Variants in FAM174A observed in about 807,000 individuals in gnomAD.
FAM174A encodes the protein membrane protein FAM174A.
Under a neutral mutation model 14.3 loss-of-function variants are expected in FAM174A, and 14 were observed. The ratio of observed to expected loss-of-function variants is 0.98; its 90% confidence interval spans 0.65 to 1.53. The LOEUF is 1.53. FAM174A is among the 40% of genes most tolerant of loss of function. The pLI is 0.00. For missense variants in FAM174A, 241 were observed against 249.6 expected (o/e 0.97, Z 0.23); for synonymous variants, 108 against 111.4 (o/e 0.97, Z 0.19).
chr5:100,536,730 ATTG>A (rs1179527781), intron 1 of FAM174A, among the ~76,000 whole-genome samples: 1 of 152,310 alleles, frequency 6.6e-6, no homozygotes, highest in Admixed American at 6.5e-5. Context: ...ATGTTTGTTT[ATTG>A]TTTTCAAAAT....
At chr5:100,552,590 C>G (rs1036703071) in intron 1 of FAM174A, among the ~76,000 whole-genome samples, 24 of 152,104 alleles carry the variant, frequency 1.6e-4, no homozygotes, top group Non-Finnish European at 2.5e-4. Flanking sequence ...TTCTCCCTTT[C>G]ATAGAGCAGT....
intron 2 of FAM174A, among the ~76,000 whole-genome samples, chr5:100,583,997 AT>A (rs1414975304): frequency 6.6e-6 from 1 of 152,214 alleles, no homozygotes; most frequent in Non-Finnish European, 1.5e-5. Flanking sequence ...TCAGTGTTGA[AT>A]TCCTGGGGTT....
At position 100,586,550 on chromosome 5, in the gene FAM174A, T is replaced by G. The variant is rs1424499843; in HGVS notation, c.*366T>G. ...AATTATTTTTGCTGATGTCATATGTTAAAGAGCTATAAATTCCAACAACCA... is the reference window on the plus strand; with the variant it reads ...AATTATTTTTGCTGATGTCATATGTGAAAGAGCTATAAATTCCAACAACCA... On this transcript the variant is annotated 3_prime_UTR_variant, in exon 3 of 3. Transcript: ENST00000312637. The G allele has an allele frequency of 6.4e-6, 1 of 155,784 alleles. No homozygotes were observed. Among genetic ancestry groups the G allele is most frequent in the African/African-American group, 2.4e-5 (1 of 41,642 alleles). 9.7% of individuals were successfully genotyped at this position (155,784 alleles called of 1,614,324 possible). A position where few individuals can be genotyped will look rare whatever the true frequency, so the allele number is the denominator to read the frequency against.
intron 1 of FAM174A, among the ~76,000 whole-genome samples, chr5:100,536,862 A>G (rs1166705334): frequency 6.6e-6 from 1 of 152,258 alleles, no homozygotes; most frequent in African/African-American, 2.4e-5. Context: ...GAAAACCAAC[A>G]TCACTTGGCT....
intron 1 of FAM174A, among the ~76,000 whole-genome samples, chr5:100,555,453 A>G (rs1746355730): frequency 6.6e-6 from 1 of 152,084 alleles, no homozygotes; most frequent in African/African-American, 2.4e-5. Flanking sequence ...CAGTAACGGG[A>G]TGGCTGGGTC....
At chr5:100,561,560 C>G (rs1364425362) in intron 1 of FAM174A, among the ~76,000 whole-genome samples, 1 of 151,862 alleles carries the variant, frequency 6.6e-6, no homozygotes, top group South Asian at 2.1e-4. Context: ...AAACATGGGA[C>G]TTTAAAAAAT....
intron 1 of FAM174A, among the ~76,000 whole-genome samples, chr5:100,559,208 G>T (rs1049861290): frequency 6.6e-6 from 1 of 152,074 alleles, no homozygotes; most frequent in Non-Finnish European, 1.5e-5. Flanking sequence ...GCTTAGTTTG[G>T]CTGGATATGA....
chr5:100,556,655 C>A (rs998126559), intron 1 of FAM174A, among the ~76,000 whole-genome samples: 2 of 152,146 alleles, frequency 1.3e-5, no homozygotes, highest in Non-Finnish European at 2.9e-5. Context: ...AGAGGTCCTT[C>A]ACGTCCCTTG....
At chr5:100,561,785 G>C (rs539399077) in intron 1 of FAM174A, among the ~76,000 whole-genome samples, 1 of 151,914 alleles carries the variant, frequency 6.6e-6, no homozygotes, top group South Asian at 2.1e-4. Context: ...TGAATTTAAG[G>C]CTTAAAAGTT....
rs1448441353 is a variant in FAM174A, at chr5:100,579,726, A to G, written c.570-6455A>G. Among the ~76,000 whole-genome samples the G allele has an allele frequency of 2.6e-5, 4 of 152,150 alleles. No individual in the cohort carries two copies. The East Asian group carries it at 7.7e-4, about 29-fold the overall frequency. On this transcript the variant is annotated intron_variant, in intron 2 of 2. Transcript: ENST00000312637. ...CAGGCGTGAGCCACTGTGCCTGGCC[A>G]TGATATTTTTAAATTATACAAGAAT...
intron 2 of FAM174A, among the ~76,000 whole-genome samples, chr5:100,566,426 G>T (rs896926373): frequency 6.6e-5 from 10 of 151,316 alleles, no homozygotes; most frequent in Non-Finnish European, 4.4e-5. Context: ...GAAGATGTTA[G>T]TCAAGGGATC....
At chr5:100,569,924 C>T (rs940383395) in intron 2 of FAM174A, among the ~76,000 whole-genome samples, 1 of 151,610 alleles carries the variant, frequency 6.6e-6, no homozygotes, top group Admixed American at 6.6e-5. Context: ...TTGACTAAAT[C>T]GGGAATAATG....
At chr5:100,539,086 A>T (rs55825520) in intron 1 of FAM174A, among the ~76,000 whole-genome samples, 29,301 of 151,780 alleles carry the variant, frequency 0.19, 3,329 homozygotes, top group Admixed American at 0.32. Context: ...ACTTTTTTTA[A>T]AAAAAATCTC....
intron 1 of FAM174A, among the ~76,000 whole-genome samples, chr5:100,538,194 T>A (rs1745977194): frequency 6.6e-6 from 1 of 152,174 alleles, no homozygotes; most frequent in Admixed American, 6.5e-5. Context: ...GCTTCCAGAT[T>A]ATGGTTTTCT....
At chr5:100,551,015 A>G (rs544849806) in intron 1 of FAM174A, among the ~76,000 whole-genome samples, 1 of 152,196 alleles carries the variant, frequency 6.6e-6, no homozygotes, top group Non-Finnish European at 1.5e-5. Context: ...GTTGAGTAAT[A>G]GGAAACCATT....
chr5:100,559,840 G>A lies in FAM174A; in HGVS notation c.435-2214G>A, dbSNP rs191882359. ...TTCTTTGCATTGGTTATTCTAGTTAGCCATTTGTCTAATTTTTTTTCAAGG... is the reference window on the plus strand; with the variant it reads ...TTCTTTGCATTGGTTATTCTAGTTAACCATTTGTCTAATTTTTTTTCAAGG... On this transcript the variant is annotated intron_variant, in intron 1 of 2. Coordinates refer to ENST00000312637, the MANE Select transcript of FAM174A (RefSeq NM_198507.3). 5.1e-3 allele frequency among the ~76,000 whole-genome samples: 774 copies of A among 151,932 alleles called. 9 individuals are homozygous for A. Among genetic ancestry groups the A allele is most frequent in the African/African-American group, 0.017 (718 of 41,468 alleles).
intron 2 of FAM174A, chr5:100,581,296 G>C: frequency 1.3e-6 from 1 of 791,278 alleles, no homozygotes. Context: ...CCAGAGAGTA[G>C]GAATCCTTAG....
intron 1 of FAM174A, among the ~76,000 whole-genome samples, chr5:100,550,207 C>T (rs889289048): frequency 6.6e-6 from 1 of 152,096 alleles, no homozygotes; most frequent in African/African-American, 2.4e-5. Flanking sequence ...CCTAAAACAT[C>T]CTAAATGAAA....
At chr5:100,584,071 A>G (rs1747072562) in intron 2 of FAM174A, among the ~76,000 whole-genome samples, 2 of 152,160 alleles carry the variant, frequency 1.3e-5, no homozygotes, top group South Asian at 2.1e-4. Context: ...CCTACTAGCA[A>G]TGTACTTCTG....
Sources: gnomAD v4.1 joint callset for allele counts (sites outside exome capture counted in the v4.1 genomes callset) on GRCh38, gnomAD v4.1.1 for gene constraint, MANE v1.5 for transcripts, NCBI Gene and HGNC (gene_info 2026-07-23, HGNC 2026-07-21) for gene names.